KAZN: variants seen among roughly 807,000 people sequenced by gnomAD.
The protein encoded by KAZN is kazrin.
Under a neutral mutation model 87.4 loss-of-function variants are expected in KAZN, and 40 were observed. That is an observed-to-expected ratio of 0.46 (90% confidence interval 0.36 to 0.60). The LOEUF is 0.60. Among genes scored for constraint, KAZN ranks in the 20% least tolerant of loss-of-function variants. The probability of loss-of-function intolerance (pLI) is 0.00; values close to 1 mark genes in which losing one functional copy is unlikely to be tolerated. For missense variants in KAZN, 898 were observed against 1,073.9 expected, an observed-to-expected ratio of 0.84 and a Z score of 2.29; for synonymous variants, 466 against 458.3, an observed-to-expected ratio of 1.02 and a Z score of -0.22.
chr1:14,288,484 C>G (rs1028584616), intron 2 of KAZN, among the ~76,000 whole-genome samples: 1 of 152,150 alleles, frequency 6.6e-6, no homozygotes, highest in African/African-American at 2.4e-5. Context: ...TTATAGTATT[C>G]TCTGATGGTA....
At chr1:14,383,666 T>C (rs1661579993) in intron 2 of KAZN, among the ~76,000 whole-genome samples, 1 of 152,174 alleles carries the variant, frequency 6.6e-6, no homozygotes, top group African/African-American at 2.4e-5. Context: ...TTCTGTTCCA[T>C]TGATCTCTCT....
At chr1:14,589,329 G>A (rs1206039457) in intron 2 of KAZN, among the ~76,000 whole-genome samples, 18 of 47,798 alleles carry the variant, frequency 3.8e-4, no homozygotes, top group Admixed American at 3.4e-4. Flanking sequence ...AAACAAGGCA[G>A]GTAAAAAAAA....
At chr1:15,065,936 C>G in intron 8 of KAZN, 183 bp downstream of exon 8, 1 of 1,417,738 alleles carries the variant, frequency 7.1e-7, no homozygotes, top group Non-Finnish European at 9.2e-7. Context: ...CTGGGTGTGG[C>G]CGAGCGCCTC....
intron 2 of KAZN, among the ~76,000 whole-genome samples, chr1:14,255,138 A>G (rs527990496): frequency 0.038 from 4,692 of 124,710 alleles, 95 homozygotes; most frequent in East Asian, 0.065. Context: ...AAAAAAAAAA[A>G]AAGAAGAAGA....
intron 2 of KAZN, among the ~76,000 whole-genome samples, chr1:14,299,732 A>G (rs1372066383): frequency 6.6e-6 from 1 of 152,142 alleles, no homozygotes; most frequent in African/African-American, 2.4e-5. Flanking sequence ...TCTCAAGGAG[A>G]TTAGCAGGAG....
At chr1:14,596,402 CCT>C (rs1194486686), upstream of KAZN, among the ~76,000 whole-genome samples, 10 of 152,104 alleles carry the variant, frequency 6.6e-5, no homozygotes, top group Admixed American at 5.9e-4. Context: ...ACATTCCCAT[CCT>C]CTCTATTTGT....
chr1:14,133,022 C>A (rs556644749), intron 1 of KAZN, among the ~76,000 whole-genome samples: 1 of 152,260 alleles, frequency 6.6e-6, no homozygotes, highest in East Asian at 1.9e-4. Flanking sequence ...AAATTGGGGG[C>A]ATCTTGTGAT....
At chr1:15,057,510 C>G (rs539617907) in intron 5 of KAZN, among the ~76,000 whole-genome samples, 47 of 152,308 alleles carry the variant, frequency 3.1e-4, no homozygotes, top group African/African-American at 1.1e-3. Context: ...ACTTTGAGAA[C>G]CCAGACAGTA....
intron 1 of KAZN, among the ~76,000 whole-genome samples, chr1:14,754,184 C>T (rs1483296386): frequency 3.3e-5 from 5 of 152,222 alleles, no homozygotes; most frequent in Admixed American, 6.5e-5. Flanking sequence ...TGGACAGCTG[C>T]AGGGCCCACC....
intron 2 of KAZN, among the ~76,000 whole-genome samples, chr1:14,357,737 G>A (rs1016162381): frequency 2.6e-5 from 4 of 152,130 alleles, no homozygotes; most frequent in Admixed American, 2.0e-4. Flanking sequence ...ATTGATTTGT[G>A]TATGTTGAAC....
At chr1:14,099,435 C>T (rs894230559) in intron 1 of KAZN, among the ~76,000 whole-genome samples, 1 of 152,154 alleles carries the variant, frequency 6.6e-6, no homozygotes, top group African/African-American at 2.4e-5. Context: ...TACCCTGTTC[C>T]TTCACCAGAT....
chr1:14,764,480 T>C (rs1377150722), intron 1 of KAZN, among the ~76,000 whole-genome samples: 1 of 151,036 alleles, frequency 6.6e-6, no homozygotes, highest in Non-Finnish European at 1.5e-5. Context: ...TCATATTCTT[T>C]GTTATCCGCC....
chr1:14,630,256 TC>T (rs1394814775), intron 1 of KAZN, among the ~76,000 whole-genome samples: 4 of 152,226 alleles, frequency 2.6e-5, no homozygotes, highest in Non-Finnish European at 4.4e-5. Context: ...TTCTTCATGG[TC>T]CAGCTTTAAG....
intron 1 of KAZN, among the ~76,000 whole-genome samples, chr1:14,920,395 C>T (rs1658374701): frequency 6.6e-6 from 1 of 150,728 alleles, no homozygotes; most frequent in African/African-American, 2.4e-5. Flanking sequence ...GTCTGGACTG[C>T]CCCTTTCCCC....
At chr1:13,893,444 T>C in exon 1 of KAZN, 1 of 666,438 alleles carries the variant, frequency 1.5e-6, no homozygotes, top group Non-Finnish European at 2.4e-6. Flanking sequence ...TGCCAAGGCT[T>C]ATAGGGTTTC....
chr1:14,327,842 G>A (rs1656551425), intron 2 of KAZN, among the ~76,000 whole-genome samples: 1 of 152,106 alleles, frequency 6.6e-6, no homozygotes, highest in Admixed American at 6.6e-5. Flanking sequence ...CCCTTTCACA[G>A]ACCATGGAAA....
At chr1:14,896,041 CTTTTTTTTTTTTTT>C (rs201188620) in intron 1 of KAZN, among the ~76,000 whole-genome samples, 1 of 140,760 alleles carries the variant, frequency 7.1e-6, no homozygotes, top group African/African-American at 2.8e-5. Context: ...AAAAAGACGC[CTTTTTTTTTTTTTT>C]TTTTTTTTTT....
chr1:14,466,470 A>G lies in KAZN; in HGVS notation c.250-132513A>G, dbSNP rs924520006. 2.0e-5 allele frequency among the ~76,000 whole-genome samples: 3 copies of G among 152,070 alleles called. No homozygotes were observed. In the East Asian group the frequency reaches 5.8e-4, roughly 29 times the overall value. ...GAGAATGCATGGACACAGGGAGGGG[A>G]ACAACACACACTGGGGCCTCTCAGG... is the stretch of plus-strand genomic sequence containing the variant. On this transcript the variant is annotated intron_variant, in intron 2 of 16. Coordinates refer to the KAZN transcript ENST00000636203.
intron 2 of KAZN, among the ~76,000 whole-genome samples, chr1:14,425,887 C>T (rs535831107): frequency 6.6e-6 from 1 of 152,290 alleles, no homozygotes; most frequent in African/African-American, 2.4e-5. Context: ...GATTCGAGAG[C>T]CCAGGTGCAC....
Sources: gnomAD v4.1 joint callset for allele counts (sites outside exome capture counted in the v4.1 genomes callset) on GRCh38, gnomAD v4.1.1 for gene constraint, MANE v1.5 for transcripts, NCBI Gene and HGNC (gene_info 2026-07-23, HGNC 2026-07-21) for gene names.